Variants in GDF5 observed in about 807,000 individuals in gnomAD.
GDF5 encodes growth/differentiation factor 5.
A neutral mutation model predicts 34.6 loss-of-function variants in GDF5; 17 were observed. The observed-to-expected ratio is 0.49, with a 90% CI of 0.34 to 0.74. GDF5 has a LOEUF of 0.74. Ranked by LOEUF, GDF5 falls within the 30% of genes least tolerant of loss-of-function variation. The pLI, the probability that GDF5 is intolerant of heterozygous loss-of-function variation, is 0.01. For missense variants in GDF5, 616 were observed against 661.2 expected (o/e 0.93, Z 0.75); for synonymous variants, 332 against 290.7 (o/e 1.14, Z -1.44).
intron 1 of GDF5, among the ~76,000 whole-genome samples, chr20:35,443,238 C>G (rs903257741): frequency 7.2e-5 from 11 of 152,174 alleles, no homozygotes; most frequent in African/African-American, 2.7e-4. Flanking sequence ...CAACCAGATG[C>G]TGCCGCTGGC....
Position 35,438,223 on chromosome 20 carries a change from A to G in GDF5, c.-295T>C. Reference sequence around the variant, plus strand: ...AAGCCGACCGCCCCCTTTCTCCTGCACAACTGACTGAGGGCTTGAAGGAGG... The same window carrying G: ...AAGCCGACCGCCCCCTTTCTCCTGCGCAACTGACTGAGGGCTTGAAGGAGG... On this transcript the variant is annotated 5_prime_UTR_variant, in exon 1 of 2. Coordinates refer to ENST00000374369, the MANE Select transcript of GDF5 (RefSeq NM_000557.5). 1 of 475,286 alleles carries G rather than the reference A, an allele frequency of 2.1e-6. No individual in the cohort carries two copies. Among genetic ancestry groups the G allele is most frequent in the Non-Finnish European group, 3.9e-6 (1 of 258,958 alleles). 29.4% of individuals were successfully genotyped at this position (475,286 alleles called of 1,614,324 possible).
Position 35,433,564 on chromosome 20 carries a change from G to C in GDF5, c.*345C>G. 2.6e-6 allele frequency: 1 copy of C among 378,846 alleles called. No individual in the cohort carries two copies. The allele number at this position is 378,846 out of a possible 1,614,324, so 23.5% of individuals were successfully genotyped here. On this transcript the variant is annotated 3_prime_UTR_variant, in exon 2 of 2. Transcript: ENST00000374369. Reference sequence around the variant, plus strand: ...GCTCTCCTGAGAGGTGCTTAGGAGAGTCCAGAGGCTGAGAAGGCCCAGGTG... The same window carrying C: ...GCTCTCCTGAGAGGTGCTTAGGAGACTCCAGAGGCTGAGAAGGCCCAGGTG...
At chr20:35,447,622 ACT>A (rs1382693121) in intron 1 of GDF5, among the ~76,000 whole-genome samples, 3 of 152,212 alleles carry the variant, frequency 2.0e-5, no homozygotes, top group African/African-American at 7.2e-5. Context: ...TAATTCTAAA[ACT>A]TATAAAAAGT....
At chr20:35,445,220 A>G (rs749987810) in intron 1 of GDF5, among the ~76,000 whole-genome samples, 1 of 152,208 alleles carries the variant, frequency 6.6e-6, no homozygotes, top group Non-Finnish European at 1.5e-5. Context: ...AATGGGAATA[A>G]TAACGATATA....
At chr20:35,439,507 G>A (rs2002531), upstream of GDF5, among the ~76,000 whole-genome samples, 1,161 of 152,178 alleles carry the variant, frequency 7.6e-3, 13 homozygotes, top group African/African-American at 0.027. Context: ...GATTACAGGC[G>A]TGAGCCACCG....
chr20:35,443,501 G>GATTATT (rs34581704), intron 1 of GDF5, among the ~76,000 whole-genome samples: 15,353 of 150,006 alleles, frequency 0.1, 917 homozygotes, highest in South Asian at 0.17. Flanking sequence ...CAGTTGGCCA[G>GATTATT]ATTATTATTA....
At chr20:35,440,283 G>A (rs572967430), upstream of GDF5, among the ~76,000 whole-genome samples, 4 of 151,464 alleles carry the variant, frequency 2.6e-5, no homozygotes, top group Non-Finnish European at 4.4e-5. Context: ...TCCAGCCTAG[G>A]TGACAGAGCT....
chr20:35,433,662 C>T lies in GDF5; in HGVS notation c.*247G>A. On this transcript the variant is annotated 3_prime_UTR_variant, in exon 2 of 2. Transcript: ENST00000374369. ...ACTCAGTCCCATTCAGAGTCTGTCT[C>T]CCTGGACCTGTGCCTGCCACTGGTC... 1.7e-6 allele frequency: 1 copy of T among 574,046 alleles called. No homozygotes were observed. The highest frequency in any genetic ancestry group is 3.2e-6 in the Non-Finnish European group (1 of 314,942). 35.6% of individuals were successfully genotyped at this position (574,046 alleles called of 1,614,324 possible). A position where few individuals can be genotyped will look rare whatever the true frequency, so the allele number is the denominator to read the frequency against.
rs1346260122 is a variant in GDF5 at position 35,437,905 on chromosome 20, A to G, written c.24T>C (p.Thr8=). 3 of 1,614,082 alleles carry G rather than the reference A, an allele frequency of 1.9e-6. No homozygotes were observed. Among genetic ancestry groups the G allele is most frequent in the Non-Finnish European group, 8.5e-7 (1 of 1,179,964 alleles). MRLPKLL[T]FLLWYLAWLD... is the part of the protein sequence containing the mutation. ...GCCAAGCCAGGTACCAAAGCAAGAA[A>G]GTGAGGAGTTTGGGGAGTCTCATCC... The change falls in exon 1 of 2, where the codon ACT becomes ACC. Residue 8 remains threonine (T), a synonymous_variant. Transcript: ENST00000374369.
chr20:35,454,201 C>A (rs1333116776), intron 1 of GDF5: 2 of 361,328 alleles, frequency 5.5e-6, no homozygotes, highest in Non-Finnish European at 1.1e-5. Flanking sequence ...CGCCTGTAAT[C>A]CCAGCCCTTT....
chr20:35,451,048 A>ATATATATAT (rs1403286330), intron 1 of GDF5, among the ~76,000 whole-genome samples: 1 of 4,626 alleles, frequency 2.2e-4, no homozygotes, highest in East Asian at 1.1e-3. Flanking sequence ...AACAGAAAAA[A>ATATATATAT]AAAAAAAAAA....
chr20:35,440,254 C>T (rs1384244651), upstream of GDF5, among the ~76,000 whole-genome samples: 1 of 150,872 alleles, frequency 6.6e-6, no homozygotes, highest in Non-Finnish European at 1.5e-5. Flanking sequence ...TGCAGTGAGC[C>T]GAGATCGCAC....
At chr20:35,452,353 C>G (rs573695445) in intron 1 of GDF5, among the ~76,000 whole-genome samples, 57 of 152,288 alleles carry the variant, frequency 3.7e-4, no homozygotes, top group Non-Finnish European at 6.9e-4. Flanking sequence ...GGGAATGAAT[C>G]CCCCTTTACA....
rs758016837 is a variant in GDF5 at position 35,434,554 on chromosome 20, G to C, written c.861C>G (p.Asp287Glu). Residue 287 changes from aspartate (D) to glutamate (E), a missense_variant, in exon 2 of 2, where the codon GAC becomes GAG. Physicochemically the swap from Asp to Glu is conservative, Grantham distance 45. Coordinates refer to ENST00000374369, the MANE Select transcript of GDF5 (RefSeq NM_000557.5). ...TGTCGAACACCTCCCAGCCAGATCCGTCCAGGCCTGGCACGGAGCGCACAT... is the reference window on the plus strand; with the variant it reads ...TGTCGAACACCTCCCAGCCAGATCCCTCCAGGCCTGGCACGGAGCGCACAT... ...LLDVRSVPGL[D>E]GSGWEVFDIW... 2 of 1,593,668 alleles carry C rather than the reference G, an allele frequency of 1.3e-6. No homozygotes were observed. The highest frequency in any genetic ancestry group is 1.7e-6 in the Non-Finnish European group (2 of 1,168,814).
In GDF5 at chr20:35,451,042, GAAAAAAA is replaced by G. The variant is rs1157980088; in HGVS notation, c.-398+3591_-398+3597del. ...CTTTCAAACAGATTTTAGACTAACA[GAAAAAAA>G]AAAAAAAAAAAAAAAATATATATAT... On this transcript the variant is annotated intron_variant, in intron 1 of 3. Transcript: ENST00000374372. 9.9e-3 allele frequency among the ~76,000 whole-genome samples: 164 copies of G among 16,500 alleles called. 10 individuals carry two copies. The highest frequency in any genetic ancestry group is 0.083 in the Middle Eastern group (1 of 12). 10.8% of individuals were successfully genotyped at this position (16,500 alleles called of 152,430 possible). A position where few individuals can be genotyped will look rare whatever the true frequency, so the allele number is the denominator to read the frequency against.
intron 1 of GDF5, among the ~76,000 whole-genome samples, chr20:35,451,130 G>T (rs2062532191): frequency 7.3e-6 from 1 of 136,082 alleles, no homozygotes; most frequent in Admixed American, 7.5e-5. Context: ...ACCTCATTTT[G>T]AAATTTCACA....
At chr20:35,446,004 AAAC>A (rs1192294789) in intron 1 of GDF5, among the ~76,000 whole-genome samples, 5 of 149,046 alleles carry the variant, frequency 3.4e-5, no homozygotes, top group Non-Finnish European at 7.4e-5. Context: ...AATAAAAATA[AAAC>A]AATAAAATAA....
chr20:35,450,329 G>C (rs1407657754), intron 1 of GDF5, among the ~76,000 whole-genome samples: 1 of 151,728 alleles, frequency 6.6e-6, no homozygotes, highest in East Asian at 1.9e-4. Flanking sequence ...AATGGACTCA[G>C]AGGAACAGCA....
chr20:35,449,361 A>C (rs2062523692), intron 1 of GDF5, among the ~76,000 whole-genome samples: 1 of 151,794 alleles, frequency 6.6e-6, no homozygotes, highest in Non-Finnish European at 1.5e-5. Context: ...CTGCAGCCTC[A>C]ACCTCCTGGG....
Sources: gnomAD v4.1 joint callset for allele counts (sites outside exome capture counted in the v4.1 genomes callset) on GRCh38, gnomAD v4.1.1 for gene constraint, MANE v1.5 for transcripts, NCBI Gene and HGNC (gene_info 2026-07-23, HGNC 2026-07-21) for gene names.